Variants in CACNA1B observed in about 807,000 individuals in gnomAD.
The protein encoded by CACNA1B is voltage-dependent N-type calcium channel subunit alpha-1B.
CACNA1B carries 70 observed loss-of-function variants against 247.2 expected under a neutral mutation model. That is an observed-to-expected ratio of 0.28 (90% CI 0.23 to 0.35). The LOEUF is 0.35. CACNA1B is among the 10% of genes least tolerant of loss of function. The probability of loss-of-function intolerance (pLI) is 1.00; values close to 1 mark genes in which losing one functional copy is unlikely to be tolerated. For synonymous variants in CACNA1B, 1,231 were observed against 1,294.4 expected, an observed-to-expected ratio of 0.95 and a Z score of 1.05; for missense variants, 2,367 against 3,197.4, an observed-to-expected ratio of 0.74 and a Z score of 6.26.
chr9:138,119,076 G>A (rs978384644), intron 44 of CACNA1B, among the ~76,000 whole-genome samples: 5 of 152,076 alleles, frequency 3.3e-5, no homozygotes, highest in African/African-American at 1.2e-4. Context: ...CCCCACTCTG[G>A]CTCAGCCACG....
intron 20 of CACNA1B, among the ~76,000 whole-genome samples, chr9:138,042,001 C>T (rs912847489): frequency 6.6e-6 from 1 of 152,146 alleles, no homozygotes; most frequent in African/African-American, 2.4e-5. Flanking sequence ...GACTCCTGGA[C>T]TCAAGGGATC....
chr9:137,992,260 G>A (rs1958439738), intron 15 of CACNA1B, among the ~76,000 whole-genome samples: 1 of 152,142 alleles, frequency 6.6e-6, no homozygotes. Context: ...ATGTGCAAAT[G>A]GAGACTAAAA....
rs768863269 is a variant in CACNA1B, at chr9:137,957,644, C to T, written c.1290C>T (p.His430=). 1.1e-5 allele frequency: 18 copies of T among 1,603,746 alleles called. No individual in the cohort carries two copies. The highest frequency in any genetic ancestry group is 4.0e-5 in the African/African-American group (3 of 74,760). The change falls in exon 10 of 47, where the codon CAC becomes CAT. Residue 430 remains histidine, a synonymous_variant. Coordinates refer to ENST00000371372, the MANE Select transcript of CACNA1B (RefSeq NM_000718.4). The surrounding 1 kb of genome is among the most constrained non-coding windows in gnomAD (Gnocchi z 4.7). ...AGAAGAGCAGAAATGACCTGATCCA[C>T]GCAGAGGAGGGAGAGGACCGGTTTG... ...ATKKSRNDLI[H]AEEGEDRFAD... is the part of the protein sequence containing the mutation.
chr9:137,938,488 C>G (rs1276644803), intron 6 of CACNA1B, among the ~76,000 whole-genome samples: 5 of 152,108 alleles, frequency 3.3e-5, no homozygotes, highest in Non-Finnish European at 5.9e-5. Flanking sequence ...TAAGGATTCA[C>G]CAACCATCTG....
Position 138,058,090 on chromosome 9 carries a change from G to A in CACNA1B, c.4148G>A (p.Gly1383Asp). The A allele has an allele frequency of 6.2e-7, 1 of 1,613,994 alleles. No homozygotes were observed. The change falls in exon 28 of 47, where the codon GGT becomes GAT. Residue 1383 changes from glycine to aspartate, a missense_variant. Physicochemically the swap from Gly to Asp is moderately conservative, Grantham distance 94. Coordinates refer to ENST00000371372, the MANE Select transcript of CACNA1B (RefSeq NM_000718.4). This position sits in a 1 kb window ranked among gnomAD's most constrained non-coding sequence, Gnocchi z 4.7. ...GTGGATGCCACCTATGAGGAGCAGG[G>A]TCCAAGCCCTGGGTACCGCATGGAG... is the stretch of plus-strand genomic sequence containing the variant. The part of the protein sequence containing the change: ...HSVDATYEEQ[G>D]PSPGYRMELS...
intron 6 of CACNA1B, among the ~76,000 whole-genome samples, chr9:137,937,775 G>A (rs1041762054): frequency 4.0e-5 from 6 of 151,618 alleles, no homozygotes; most frequent in Non-Finnish European, 5.9e-5. Flanking sequence ...GAGAAACCCC[G>A]TGTCTACTAA....
At chr9:138,016,437 A>AAGGT (rs1958792922) in intron 18 of CACNA1B, among the ~76,000 whole-genome samples, 1 of 152,204 alleles carries the variant, frequency 6.6e-6, no homozygotes, top group Admixed American at 6.5e-5. Flanking sequence ...ATCCAAAAGG[A>AAGGT]AGGTGGGTTG....
At chr9:138,109,264 G>A (rs1189047272) in intron 39 of CACNA1B, among the ~76,000 whole-genome samples, 1 of 152,236 alleles carries the variant, frequency 6.6e-6, no homozygotes, top group African/African-American at 2.4e-5. Flanking sequence ...TACAAATGAT[G>A]CTGGAGAAAT....
In CACNA1B at chr9:138,073,950, G is replaced by A; in HGVS notation, c.4792-51G>A. On this transcript the variant is annotated intron_variant, in intron 33 of 46. Coordinates refer to ENST00000371372, the MANE Select transcript of CACNA1B (RefSeq NM_000718.4). This position sits in a 1 kb window ranked among gnomAD's most constrained non-coding sequence, Gnocchi z 6.4. ...GCCCAGCCACCGTAGCAGGAGGCCT[G>A]GGCGTGGTGGCTGGGAGGTGCCTGT... The A allele has an allele frequency of 6.8e-7, 1 of 1,468,400 alleles. No individual in the cohort carries two copies. Among genetic ancestry groups the A allele is most frequent in the Non-Finnish European group, 9.5e-7 (1 of 1,054,978 alleles). 91.0% of individuals were successfully genotyped at this position (1,468,400 alleles called of 1,614,324 possible). A position where few individuals can be genotyped will look rare whatever the true frequency, so the allele number is the denominator to read the frequency against.
chr9:138,023,898 C>G (rs1291179867), intron 19 of CACNA1B, 87 bp downstream of exon 19: 8 of 685,546 alleles, frequency 1.2e-5, no homozygotes, highest in Admixed American at 2.4e-5. Flanking sequence ...ATGGGGTCCA[C>G]GGCGGAGGCT....
intron 36 of CACNA1B, among the ~76,000 whole-genome samples, chr9:138,079,032 G>A (rs750210921): frequency 1.3e-5 from 2 of 152,154 alleles, no homozygotes; most frequent in African/African-American, 2.4e-5. Flanking sequence ...GTTAGTGTTC[G>A]GTGTGTTCGT....
rs1957893310 is a variant in CACNA1B, at chr9:137,952,736, GTGTGGT to G, written c.1070+360_1070+365del. Reference sequence around the variant, plus strand: ...GGAGGTTGGTCTGGGGGGATGGGAGGTGTGGTCTGTATTGGGAGGTTGGTCTGGGTG... The same window carrying G: ...GGAGGTTGGTCTGGGGGGATGGGAGGCTGTATTGGGAGGTTGGTCTGGGTG... On this transcript the variant is annotated intron_variant, in intron 7 of 46. Coordinates refer to ENST00000371372, the MANE Select transcript of CACNA1B (RefSeq NM_000718.4). This position sits in a 1 kb window ranked among gnomAD's most constrained non-coding sequence, Gnocchi z 4.8. 1.3e-5 allele frequency among the ~76,000 whole-genome samples: 2 copies of G among 150,340 alleles called. No individual in the cohort carries two copies. The highest frequency in any genetic ancestry group is 2.9e-5 in the Non-Finnish European group (2 of 67,830).
Position 137,986,482 on chromosome 9 carries a change from C to G in CACNA1B, c.1839C>G (p.Leu613=), listed in dbSNP as rs188088141. Residue 613 remains leucine (L), a synonymous_variant, in exon 14 of 47, where the codon CTC becomes CTG. Coordinates refer to ENST00000371372, the MANE Select transcript of CACNA1B (RefSeq NM_000718.4). The surrounding 1 kb of genome is among the most constrained non-coding windows in gnomAD (Gnocchi z 6.0). ...LNSMKSIISL[L]FLLFLFIVVF... ...CCATGAAGTCCATCATCAGCCTGCT[C>G]TTCTTGCTCTTCCTGTTCATTGTGG... The G allele has an allele frequency of 4.8e-5, 78 of 1,613,910 alleles. 1 individual carries two copies. In the East Asian group the frequency reaches 1.7e-3, roughly 35 times the overall value.
intron 46 of CACNA1B, 105 bp downstream of exon 46, chr9:138,120,986 T>C (rs1406549692): frequency 8.2e-6 from 11 of 1,347,362 alleles, no homozygotes; most frequent in African/African-American, 1.5e-5. Context: ...TGCTGCCCTT[T>C]GTCATTCCCA....
chr9:137,938,801 C>T (rs188154384), intron 6 of CACNA1B, among the ~76,000 whole-genome samples: 52 of 152,288 alleles, frequency 3.4e-4, no homozygotes, highest in African/African-American at 1.2e-3. Flanking sequence ...AGGCCAGGCA[C>T]AGTGGCTCAT....
rs756082092 is a variant in CACNA1B, at chr9:137,973,838, T to C, written c.1544-2069T>C. Among the ~76,000 whole-genome samples the C allele has an allele frequency of 2.6e-5, 4 of 152,184 alleles. No individual in the cohort carries two copies. The highest frequency in any genetic ancestry group is 5.9e-5 in the Non-Finnish European group (4 of 68,036). ...GAGAGTGAGAGGGCAGACAGGATGT[T>C]GGAGGATTTCAGATCTCTTTCTCTG... On this transcript the variant is annotated intron_variant, in intron 11 of 46. Transcript: ENST00000371372. The surrounding 1 kb of genome is among the most constrained non-coding windows in gnomAD (Gnocchi z 4.1).
chr9:138,044,704 C>T (rs1006040880), intron 21 of CACNA1B, among the ~76,000 whole-genome samples: 6 of 152,152 alleles, frequency 3.9e-5, no homozygotes, highest in East Asian at 1.9e-4. Flanking sequence ...GGCAGGTGGA[C>T]GGGAGGGCAG....
chr9:137,924,296 C>G (rs1388312728), intron 6 of CACNA1B, among the ~76,000 whole-genome samples: 2 of 150,288 alleles, frequency 1.3e-5, no homozygotes, highest in African/African-American at 4.9e-5. Context: ...TTTTTGCCTG[C>G]CTGCCTTCCT....
chr9:138,103,082 A>G (rs1327243637), intron 38 of CACNA1B, among the ~76,000 whole-genome samples: 5 of 151,792 alleles, frequency 3.3e-5, no homozygotes, highest in Admixed American at 6.6e-5. Context: ...GCTCAGGAAG[A>G]CAGAACTAGA....
Sources: gnomAD v4.1 joint callset for allele counts (sites outside exome capture counted in the v4.1 genomes callset) on GRCh38, gnomAD v4.1.1 for gene constraint, Gnocchi (gnomAD v3.1) non-coding constraint, MANE v1.5 for transcripts, NCBI Gene and HGNC (gene_info 2026-07-23, HGNC 2026-07-21) for gene names.